Variants in AMT observed in about 807,000 individuals in gnomAD.
AMT encodes the protein aminomethyltransferase, also known as aminomethyltransferase, mitochondrial.
AMT carries 24 observed loss-of-function variants against 39.5 expected under a neutral mutation model. The ratio of observed to expected loss-of-function variants is 0.61; its 90% CI spans 0.44 to 0.86. The LOEUF (loss-of-function observed/expected upper bound fraction) is 0.86. AMT is among the 40% of genes least tolerant of loss of function. The probability of loss-of-function intolerance (pLI) is 0.00; values close to 1 mark genes in which losing one functional copy is unlikely to be tolerated. For missense variants in AMT, 501 were observed against 537.0 expected, an observed-to-expected ratio of 0.93 and a Z score of 0.66; for synonymous variants, 210 against 212.1, an observed-to-expected ratio of 0.99 and a Z score of 0.09.
In AMT at chr3:49,417,868, G is replaced by GC. The variant is rs1553638266; in HGVS notation, c.982dup (p.Ala328GlyfsTer22). 1.2e-6 allele frequency: 2 copies of GC among 1,613,986 alleles called. No individual in the cohort carries two copies. Among genetic ancestry groups the GC allele is most frequent in the Non-Finnish European group, 1.7e-6 (2 of 1,180,004 alleles). The stretch of plus-strand genomic sequence containing the variant: ...GATGGGACTGTGTGCCCGCATGGGG[G>GC]CCCCCTCACACATCAACCCCACACG... On this transcript the variant is annotated frameshift_variant, in exon 8 of 9. Coordinates refer to ENST00000273588, the MANE Select transcript of AMT (RefSeq NM_000481.4). LOFTEE classifies it high-confidence loss of function.
intron 3 of AMT, chr3:49,421,195 C>T (rs139593670): frequency 3.4e-5 from 14 of 415,170 alleles, no homozygotes; most frequent in Admixed American, 2.5e-4. Flanking sequence ...GTTTGAGTCA[C>T]GTCGCCTGGC....
At position 49,417,459 on chromosome 3, in the gene AMT, A is replaced by C; in HGVS notation, c.*81T>G. The C allele has an allele frequency of 6.2e-7, 1 of 1,613,786 alleles. No homozygotes were observed. The highest frequency in any genetic ancestry group is 1.3e-5 in the African/African-American group (1 of 75,008). ...GCCTCCACCTTAACTGCCCACCCCC[A>C]GTGAGTTCTGCCTCAGCTTCTTGAC... On this transcript the variant is annotated 3_prime_UTR_variant, in exon 9 of 9. Coordinates refer to ENST00000273588, the MANE Select transcript of AMT (RefSeq NM_000481.4).
Position 49,417,616 on chromosome 3 carries a change from T to C in AMT, c.1136A>G (p.Glu379Gly). ...YSRPGTMLLV[E>G]VRRKQQMAVV... ...AGCCATCTGCTGCTTCCGCCGCACCTCTACCAGCAGCATTGTCCCTGGACG... is the reference window on the plus strand; with the variant it reads ...AGCCATCTGCTGCTTCCGCCGCACCCCTACCAGCAGCATTGTCCCTGGACG... Residue 379 changes from glutamate to glycine, a missense_variant, in exon 9 of 9, where the codon GAG becomes GGG. By Grantham distance (98) the Glu-to-Gly change is moderately conservative (BLOSUM62 -2). Coordinates refer to ENST00000273588, the MANE Select transcript of AMT (RefSeq NM_000481.4). The C allele has an allele frequency of 6.2e-7, 1 of 1,614,142 alleles. No homozygotes were observed.
chr3:49,421,202 T>G, intron 3 of AMT: 1 of 435,796 alleles, frequency 2.3e-6, no homozygotes, highest in Non-Finnish European at 4.3e-6. Context: ...TCACGTCGCC[T>G]GGCCAGGGAC....
chr3:49,417,004 G>C lies in AMT; in HGVS notation c.*536C>G. ...GGAAGAGTGAGTCTATGTTCCCTCA[G>C]CCATCCCCAAGTTTACACACAGGCA... On this transcript the variant is annotated 3_prime_UTR_variant, in exon 9 of 9. Coordinates refer to ENST00000273588, the MANE Select transcript of AMT (RefSeq NM_000481.4). 1 of 512,962 alleles carries C rather than the reference G, an allele frequency of 1.9e-6. No homozygotes were observed. Among genetic ancestry groups the C allele is most frequent in the Non-Finnish European group, 3.8e-6 (1 of 265,682 alleles). The allele number at this position is 512,962 out of a possible 1,614,324, so 31.8% of individuals were successfully genotyped here.
chr3:49,421,957 G>T, intron 2 of AMT, 147 bp downstream of exon 2: 1 of 1,119,196 alleles, frequency 8.9e-7, no homozygotes, highest in Non-Finnish European at 1.3e-6. Context: ...TGGGGCCATT[G>T]ACCTATCCAT....
intron 2 of AMT, 95 bp downstream of exon 2, chr3:49,422,009 T>C (rs1289258239): frequency 1.3e-6 from 2 of 1,562,304 alleles, no homozygotes. Flanking sequence ...AGGCTGTCCT[T>C]GGAATCCAGT....
At chr3:49,421,401 A>G in intron 3 of AMT, 91 bp downstream of exon 3, 1 of 1,003,250 alleles carries the variant, frequency 1.0e-6, no homozygotes, top group Non-Finnish European at 1.6e-6. Flanking sequence ...TGTTTGACTC[A>G]TCTCTGTGCC....
Position 49,417,667 on chromosome 3 carries a change from A to G in AMT, c.1085T>C (p.Met362Thr). The change falls in exon 9 of 9, where the codon ATG (methionine) becomes ACG (threonine). Residue 362 changes from methionine to threonine, a missense_variant. By Grantham distance (81) the Met-to-Thr change is moderately conservative (BLOSUM62 -1). Coordinates refer to ENST00000273588, the MANE Select transcript of AMT (RefSeq NM_000481.4). The part of the protein sequence containing the change: ...PSPSLKKNVA[M>T]GYVPCEYSRP... ...ACTGTACTCGCAGGGCACATAACCC[A>G]TCGCCACATTCTTCTTCAGAGAGGG... The G allele has an allele frequency of 5.0e-6, 8 of 1,614,064 alleles. No homozygotes were observed. The highest frequency in any genetic ancestry group is 1.1e-5 in the South Asian group (1 of 91,084).
intron 5 of AMT, 78 bp downstream of exon 5, chr3:49,419,632 T>C: frequency 3.3e-6 from 5 of 1,504,528 alleles, no homozygotes; most frequent in Non-Finnish European, 4.6e-6. Context: ...ACATTCTTCT[T>C]GGTATGGCCT....
At chr3:49,419,188 T>C (rs369659338) in intron 6 of AMT, 37 bp from the exon 7 acceptor site, 2 of 1,611,832 alleles carry the variant, frequency 1.2e-6, no homozygotes, top group African/African-American at 2.7e-5. Context: ...GGAAGCTCCC[T>C]GTACCACATA....
intron 3 of AMT, 192 bp downstream of exon 3, chr3:49,421,300 G>GTT: frequency 1.6e-6 from 1 of 628,596 alleles, no homozygotes; most frequent in Non-Finnish European, 2.9e-6. Context: ...GCCTGATGTA[G>GTT]TAAGACTGGG....
chr3:49,421,474 A>C lies in AMT; in HGVS notation c.339+18T>G, dbSNP rs1170236990. The C allele has an allele frequency of 2.5e-6, 4 of 1,608,996 alleles. No individual in the cohort carries two copies. The East Asian group carries it at 6.7e-5, about 27-fold the overall frequency. ...TCATGACTAAGAAAACTCATAGAGCAGAAATAAAAGGGCCCACCTGGTTTG... is the reference window on the plus strand; with the variant it reads ...TCATGACTAAGAAAACTCATAGAGCCGAAATAAAAGGGCCCACCTGGTTTG... On this transcript the variant is annotated intron_variant, in intron 3 of 8. Transcript: ENST00000273588.
At chr3:49,421,347 A>G (rs990666089) in intron 3 of AMT, 145 bp downstream of exon 3, 2 of 711,592 alleles carry the variant, frequency 2.8e-6, no homozygotes, top group African/African-American at 1.7e-5. Context: ...GTCTCTGGAA[A>G]TGACTCAGGG....
chr3:49,421,335 G>T, intron 3 of AMT, 157 bp downstream of exon 3: 1 of 691,486 alleles, frequency 1.4e-6, no homozygotes, highest in Non-Finnish European at 2.6e-6. Context: ...ACAAATGTCT[G>T]TGTCTCTGGA....
At position 49,422,214 on chromosome 3, in the gene AMT, C is replaced by A. The variant is rs148917929; in HGVS notation, c.148G>T (p.Val50Leu). 9.5e-5 allele frequency: 154 copies of A among 1,614,072 alleles called. 1 individual carries two copies. In the East Asian group the frequency reaches 3.4e-3, roughly 35 times the overall value. ...GGCAGACTCCAACCCGCAAACGCCA[C>A]CATTTTCCCGCCGTGGGCCAGGTGG... is the stretch of plus-strand genomic sequence containing the variant. ...DFHLAHGGKM[V>L]AFAGWSLPVQ... is the part of the protein sequence containing the mutation. Residue 50 changes from valine (V) to leucine (L), a missense_variant, in exon 2 of 9, where the codon GTG becomes TTG. Physicochemically the swap from Val to Leu is conservative, Grantham distance 32. Coordinates refer to ENST00000273588, the MANE Select transcript of AMT (RefSeq NM_000481.4).
Position 49,421,819 on chromosome 3 carries a change from C to G in AMT, c.259-247G>C, listed in dbSNP as rs1464567. The G allele has an allele frequency of 0.46, 308,625 of 671,500 alleles. 81,054 individuals carry two copies. The highest frequency in any genetic ancestry group is 0.93 in the East Asian group (34,194 of 36,684). 41.6% of individuals were successfully genotyped at this position (671,500 alleles called of 1,614,324 possible). On this transcript the variant is annotated intron_variant, in intron 2 of 8. Coordinates refer to ENST00000273588, the MANE Select transcript of AMT (RefSeq NM_000481.4). ...GCACCTTCCTGAAATAACCCCTTTTCAAACCAACATCCAGCCCAATACATG... is the reference window on the plus strand; with the variant it reads ...GCACCTTCCTGAAATAACCCCTTTTGAAACCAACATCCAGCCCAATACATG...
chr3:49,421,916 G>T, intron 2 of AMT, 188 bp downstream of exon 2: 1 of 830,940 alleles, frequency 1.2e-6, no homozygotes, highest in Non-Finnish European at 2.0e-6. Flanking sequence ...CTAGAAGGAT[G>T]AGATGATGAG....
At chr3:49,418,845 T>C in intron 7 of AMT, 126 bp downstream of exon 7, 1 of 1,061,034 alleles carries the variant, frequency 9.4e-7, no homozygotes, top group South Asian at 1.3e-5. Flanking sequence ...CAGTGGCACC[T>C]TCAGGGAAGG....
Sources: allele counts gnomAD v4.1 joint callset, GRCh38; gene constraint gnomAD v4.1.1; transcripts MANE v1.5; gene names NCBI Gene and HGNC (gene_info 2026-07-23, HGNC 2026-07-21).